The following TEX9 variants were observed in gnomAD, a reference collection of about 807,000 sequenced individuals.
The protein encoded by TEX9 is testis-expressed protein 9.
In TEX9, 74 loss-of-function variants were observed where a neutral mutation model predicts 59.6. The ratio of observed to expected loss-of-function variants is 1.24; its 90% CI spans 1.03 to 1.51. TEX9 has a LOEUF of 1.51. Ranked by LOEUF, TEX9 falls within the 40% of genes most tolerant of loss-of-function variation. TEX9 has a pLI of 0.00. For missense variants in TEX9, 522 were observed against 447.8 expected (o/e 1.17, Z -1.49); for synonymous variants, 186 against 152.2 (o/e 1.22, Z -1.64).
chr15:56,438,629 C>A (rs28895874), intron 12 of TEX9, among the ~76,000 whole-genome samples: 4,707 of 152,174 alleles, frequency 0.031, 180 homozygotes, highest in East Asian at 0.091. Flanking sequence ...GCAACAAAAG[C>A]CAAAATTGAC....
intron 9 of TEX9, among the ~76,000 whole-genome samples, chr15:56,402,606 A>T (rs1679526351): frequency 6.6e-6 from 1 of 152,192 alleles, no homozygotes; most frequent in Non-Finnish European, 1.5e-5. Context: ...CAATCAATAG[A>T]AAAAGAGGGA....
chr15:56,427,538 T>C lies in TEX9; in HGVS notation c.964-67T>C, dbSNP rs1395396817. ...GTACTTTTTATTACTGTTGTGATGA[T>C]AGTCTATAATTCTTTCCATTGAGGC... On this transcript the variant is annotated intron_variant, in intron 10 of 12. Coordinates refer to ENST00000352903, the Ensembl canonical transcript of TEX9. The C allele has an allele frequency of 2.8e-6, 3 of 1,087,360 alleles. No individual in the cohort carries two copies. In the African/African-American group the frequency reaches 5.1e-5, roughly 18 times the overall value. The allele number at this position is 1,087,360 out of a possible 1,614,324, so 67.4% of individuals were successfully genotyped here.
chr15:56,415,514 C>G (rs1321108854), intron 10 of TEX9, among the ~76,000 whole-genome samples: 2 of 151,720 alleles, frequency 1.3e-5, no homozygotes, highest in Non-Finnish European at 2.9e-5. Flanking sequence ...TTGCTTTTGT[C>G]AGGTTTGAAG....
intron 1 of TEX9, among the ~76,000 whole-genome samples, chr15:56,330,774 A>C (rs1380868383): frequency 6.6e-6 from 1 of 151,624 alleles, no homozygotes; most frequent in Non-Finnish European, 1.5e-5. Flanking sequence ...AACCACCAGA[A>C]AAAAAAAATG....
At chr15:56,337,818 C>T (rs1459145488) in intron 1 of TEX9, among the ~76,000 whole-genome samples, 1 of 152,100 alleles carries the variant, frequency 6.6e-6, no homozygotes, top group African/African-American at 2.4e-5. Flanking sequence ...TAAGCAAGAC[C>T]TTAACTTTTA....
rs56766153 is a variant in TEX9 at position 56,302,320 on chromosome 15, TACACACACACACACACACACAC to T, written c.-107+58063_-107+58084del. Among the ~76,000 whole-genome samples the T allele has an allele frequency of 2.9e-3, 395 of 135,786 alleles. 4 individuals carry two copies. Among genetic ancestry groups the T allele is most frequent in the African/African-American group, 0.01 (376 of 35,906 alleles). The allele number at this position is 135,786 out of a possible 152,430, so 89.1% of individuals were successfully genotyped here. On this transcript the variant is annotated intron_variant, in intron 1 of 5. Coordinates refer to the TEX9 transcript ENST00000560827. ...CTGGGCAACAGAGCAAGACACTGTT[TACACACACACACACACACACAC>T]ACACACACACACACACACACGAACA...
chr15:56,434,082 A>G, intron 12 of TEX9: 23 of 1,536,908 alleles, frequency 1.5e-5, no homozygotes, highest in Non-Finnish European at 2.0e-5. Context: ...TGGATGATAG[A>G]TGAGCTATTG....
intron 1 of TEX9, among the ~76,000 whole-genome samples, chr15:56,269,653 CTTT>C (rs1309147898): frequency 7.6e-6 from 1 of 131,364 alleles, no homozygotes; most frequent in Non-Finnish European, 1.6e-5. Context: ...CTTTTCTTTT[CTTT>C]TTTTTTTTTT....
intron 12 of TEX9, among the ~76,000 whole-genome samples, chr15:56,440,455 C>A (rs1196454180): frequency 6.6e-6 from 1 of 152,152 alleles, no homozygotes; most frequent in African/African-American, 2.4e-5. Context: ...CCAGCTAATA[C>A]AATCTTGAGC....
At chr15:56,429,892 A>G (rs1319507201) in intron 12 of TEX9, 2 of 152,186 alleles carry the variant, frequency 1.3e-5, no homozygotes, top group African/African-American at 4.8e-5. Flanking sequence ...TTTCCTCTAC[A>G]AAAATATCAA....
chr15:56,257,865 A>T (rs545288133), intron 1 of TEX9, among the ~76,000 whole-genome samples: 1 of 152,206 alleles, frequency 6.6e-6, no homozygotes, highest in South Asian at 2.1e-4. Flanking sequence ...ATCTTTGCCT[A>T]TGCCTATGTC....
intron 1 of TEX9, among the ~76,000 whole-genome samples, chr15:56,287,883 G>T (rs75633517): frequency 6.6e-6 from 1 of 151,972 alleles, no homozygotes; most frequent in Admixed American, 6.6e-5. Context: ...ATAGTATTCC[G>T]TTGTGTATAT....
chr15:56,376,789 C>A (rs1268772899), intron 3 of TEX9, among the ~76,000 whole-genome samples: 1 of 152,000 alleles, frequency 6.6e-6, no homozygotes, highest in Non-Finnish European at 1.5e-5. Flanking sequence ...GCTTTGGTGA[C>A]TTTTGCTTGT....
intron 1 of TEX9, among the ~76,000 whole-genome samples, chr15:56,247,798 A>C (rs1286050334): frequency 1.3e-5 from 2 of 152,198 alleles, no homozygotes; most frequent in African/African-American, 4.8e-5. Flanking sequence ...GGAAAAGGTA[A>C]AGTTCTACCC....
At chr15:56,433,639 T>C (rs1421198873) in intron 12 of TEX9, among the ~76,000 whole-genome samples, 1 of 152,108 alleles carries the variant, frequency 6.6e-6, no homozygotes, top group Non-Finnish European at 1.5e-5. Context: ...TCTCCGAGCT[T>C]ACTCATCTCT....
intron 1 of TEX9, among the ~76,000 whole-genome samples, chr15:56,249,749 A>AAAAAT (rs2043968851): frequency 1.3e-5 from 2 of 149,624 alleles, no homozygotes; most frequent in South Asian, 4.2e-4. Context: ...TCTCAAAAAA[A>AAAAAT]AAAAAAAAAA....
intron 1 of TEX9, among the ~76,000 whole-genome samples, chr15:56,327,136 A>G (rs2046035555): frequency 6.6e-6 from 1 of 152,246 alleles, no homozygotes; most frequent in South Asian, 2.1e-4. Flanking sequence ...TTATTCCTAA[A>G]GAAAAATCAT....
intron 1 of TEX9, among the ~76,000 whole-genome samples, chr15:56,267,339 C>A: frequency 6.6e-6 from 1 of 152,088 alleles, no homozygotes; most frequent in East Asian, 1.9e-4. Context: ...TAATTAGATC[C>A]CATTTGTCTA....
chr15:56,290,292 C>T (rs1239952740), intron 1 of TEX9, among the ~76,000 whole-genome samples: 3 of 152,106 alleles, frequency 2.0e-5, no homozygotes, highest in Non-Finnish European at 4.4e-5. Flanking sequence ...GTGTTCATTA[C>T]CTCAGTGGCA....
Sources: gnomAD v4.1 joint callset for allele counts (sites outside exome capture counted in the v4.1 genomes callset) on GRCh38, gnomAD v4.1.1 for gene constraint, MANE v1.5 for transcripts, NCBI Gene and HGNC (gene_info 2026-07-23, HGNC 2026-07-21) for gene names.